The following PTPRD variants were observed in gnomAD, a reference collection of about 807,000 sequenced individuals.
PTPRD encodes protein tyrosine phosphatase receptor type D, also known as receptor-type tyrosine-protein phosphatase delta.
PTPRD carries 34 observed loss-of-function variants against 214.5 expected under a neutral mutation model. The observed-to-expected ratio is 0.16, with a 90% CI of 0.12 to 0.21. PTPRD has a LOEUF of 0.21. PTPRD is among the 10% of genes least tolerant of loss of function. The pLI, the probability that PTPRD is intolerant of heterozygous loss-of-function variation, is 1.00. For missense variants in PTPRD, 2,545 were observed against 2,398.7 expected, an observed-to-expected ratio of 1.06 and a Z score of -1.27; for synonymous variants, 1,128 against 845.7, an observed-to-expected ratio of 1.33 and a Z score of -5.79.
chr9:9,546,719 A>G (rs1325021893), intron 8 of PTPRD, among the ~76,000 whole-genome samples: 1 of 151,888 alleles, frequency 6.6e-6, no homozygotes, highest in Non-Finnish European at 1.5e-5. Context: ...AATGTTTATA[A>G]TATGTTCCAC....
chr9:10,228,597 C>T (rs1277824757), intron 3 of PTPRD, among the ~76,000 whole-genome samples: 1 of 151,690 alleles, frequency 6.6e-6, no homozygotes, highest in Non-Finnish European at 1.5e-5. Context: ...GCTACCTATT[C>T]CTCATGATTC....
At chr9:10,362,141 A>G (rs2097404528) in intron 2 of PTPRD, among the ~76,000 whole-genome samples, 2 of 152,160 alleles carry the variant, frequency 1.3e-5, no homozygotes, top group South Asian at 2.1e-4. Flanking sequence ...AAATTTGTAC[A>G]TAAGCCAAAG....
intron 10 of PTPRD, among the ~76,000 whole-genome samples, chr9:9,035,512 C>G (rs967538971): frequency 6.6e-6 from 1 of 152,002 alleles, no homozygotes; most frequent in Admixed American, 6.6e-5. Context: ...GCGCCATGCT[C>G]CAAGTTATAA....
intron 9 of PTPRD, among the ~76,000 whole-genome samples, chr9:9,248,692 T>C (rs565942393): frequency 6.6e-6 from 1 of 152,234 alleles, no homozygotes; most frequent in South Asian, 2.1e-4. Context: ...GCTAAGGGAA[T>C]GAGAAGTCTT....
intron 14 of PTPRD, among the ~76,000 whole-genome samples, chr9:8,564,655 G>A (rs548377669): frequency 3.3e-5 from 5 of 152,094 alleles, no homozygotes; most frequent in African/African-American, 9.7e-5. Flanking sequence ...AGCCAAGATC[G>A]TGCCACTGTA....
intron 4 of PTPRD, among the ~76,000 whole-genome samples, chr9:9,941,174 G>A (rs2091353893): frequency 6.6e-6 from 1 of 152,150 alleles, no homozygotes; most frequent in Non-Finnish European, 1.5e-5. Context: ...GCTGCCTGTG[G>A]GCTACAGGAT....
chr9:9,980,840 G>C (rs1160353749), intron 4 of PTPRD, among the ~76,000 whole-genome samples: 2 of 134,636 alleles, frequency 1.5e-5, no homozygotes, highest in East Asian at 4.0e-4. Context: ...CAGAAAAGGA[G>C]TTTAAATGTT....
At chr9:8,918,359 G>C (rs897201936) in intron 11 of PTPRD, among the ~76,000 whole-genome samples, 1 of 152,188 alleles carries the variant, frequency 6.6e-6, no homozygotes, top group Non-Finnish European at 1.5e-5. Context: ...ACAATGAATT[G>C]TCAGAAAATT....
At chr9:8,933,026 C>T (rs1338633086) in intron 11 of PTPRD, among the ~76,000 whole-genome samples, 1 of 152,048 alleles carries the variant, frequency 6.6e-6, no homozygotes, top group East Asian at 1.9e-4. Context: ...TCCTGGTCTA[C>T]AGGTTGCGAA....
intron 8 of PTPRD, among the ~76,000 whole-genome samples, chr9:9,403,301 A>AAAAAAAAAG (rs2071682561): frequency 2.0e-5 from 3 of 150,024 alleles, no homozygotes; most frequent in African/African-American, 7.3e-5. Context: ...AAAAAAAAAA[A>AAAAAAAAAG]AAAAAAAAAA....
intron 3 of PTPRD, among the ~76,000 whole-genome samples, chr9:10,213,843 A>C (rs2099528383): frequency 6.6e-6 from 1 of 152,008 alleles, no homozygotes; most frequent in Admixed American, 6.6e-5. Flanking sequence ...TAGTTTTCTT[A>C]TTCATTTATA....
chr9:10,214,429 A>ATTTTTT (rs35115543), intron 3 of PTPRD, among the ~76,000 whole-genome samples: 2 of 120,736 alleles, frequency 1.7e-5, no homozygotes, highest in South Asian at 2.7e-4. Context: ...AAGCCCAACT[A>ATTTTTT]TTTTTTTTTT....
intron 11 of PTPRD, among the ~76,000 whole-genome samples, chr9:8,832,104 ATG>A (rs34699954): frequency 0.091 from 13,546 of 148,586 alleles, 625 homozygotes; most frequent in African/African-American, 0.12. Flanking sequence ...GTATGTGTAT[ATG>A]TGTGTGTGTG....
At chr9:8,888,513 G>A (rs151017606) in intron 11 of PTPRD, among the ~76,000 whole-genome samples, 47 of 152,264 alleles carry the variant, frequency 3.1e-4, no homozygotes, top group African/African-American at 1.1e-3. Flanking sequence ...ACAAAAAGAT[G>A]ACAAACATTG....
At chr9:8,524,824 A>G in intron 18 of PTPRD, 101 bp downstream of exon 18, 2 of 968,378 alleles carry the variant, frequency 2.1e-6, no homozygotes, top group Non-Finnish European at 3.3e-6. Flanking sequence ...CTATTACCAA[A>G]CCAGCTTGTT....
At chr9:9,149,518 G>A (rs1012275462) in intron 10 of PTPRD, among the ~76,000 whole-genome samples, 3 of 152,016 alleles carry the variant, frequency 2.0e-5, no homozygotes, top group Admixed American at 1.3e-4. Flanking sequence ...TTTTAGCAAC[G>A]CATGCATGGT....
Position 10,509,557 on chromosome 9 carries a change from T to TTA in PTPRD, c.-600+102839_-600+102840dup, listed in dbSNP as rs3076461. On this transcript the variant is annotated intron_variant, in intron 2 of 45. Transcript: ENST00000381196. ...TAAATATATTTACATTTAATAAATA[T>TTA]TATATATATATATATATATATATTT... 5.3e-3 allele frequency among the ~76,000 whole-genome samples: 566 copies of TTA among 106,678 alleles called. 36 individuals carry two copies. Among genetic ancestry groups the TTA allele is most frequent in the African/African-American group, 0.021 (522 of 25,138 alleles). The allele number at this position is 106,678 out of a possible 152,430, so 70.0% of individuals were successfully genotyped here.
At chr9:8,737,448 A>G (rs1398423272) in intron 11 of PTPRD, among the ~76,000 whole-genome samples, 1 of 152,160 alleles carries the variant, frequency 6.6e-6, no homozygotes, top group Non-Finnish European at 1.5e-5. Context: ...AAAATAATTA[A>G]ACCAAAAATA....
chr9:9,397,144 G>A (rs555447593), intron 9 of PTPRD, among the ~76,000 whole-genome samples: 4 of 152,016 alleles, frequency 2.6e-5, no homozygotes, highest in African/African-American at 7.2e-5. Context: ...AGTATTTCTT[G>A]TAACTACTAA....
Sources: allele counts gnomAD v4.1 joint callset (sites outside exome capture counted in the v4.1 genomes callset), GRCh38; gene constraint gnomAD v4.1.1; transcripts MANE v1.5; gene names NCBI Gene and HGNC (gene_info 2026-07-23, HGNC 2026-07-21).